Variants in SUCLG2 observed in about 807,000 individuals in gnomAD.
SUCLG2 encodes succinate--CoA ligase [GDP-forming] subunit beta, mitochondrial.
A neutral mutation model predicts 47.9 loss-of-function variants in SUCLG2; 42 were observed. The ratio of observed to expected loss-of-function variants is 0.88; its 90% CI spans 0.69 to 1.14. The LOEUF (loss-of-function observed/expected upper bound fraction) is 1.14. Ranked by LOEUF, SUCLG2 falls within the 50% of genes most tolerant of loss-of-function variation. The pLI, the probability that SUCLG2 is intolerant of heterozygous loss-of-function variation, is 0.00. For missense variants in SUCLG2, 571 were observed against 525.9 expected, an observed-to-expected ratio of 1.09 and a Z score of -0.84; for synonymous variants, 195 against 197.3, an observed-to-expected ratio of 0.99 and a Z score of 0.10.
intron 2 of SUCLG2, among the ~76,000 whole-genome samples, chr3:67,576,698 CTG>C (rs1707751931): frequency 1.3e-5 from 2 of 152,298 alleles, no homozygotes; most frequent in African/African-American, 4.8e-5. Flanking sequence ...TTTTTCCCAA[CTG>C]TTGATTTTTG....
chr3:67,599,914 G>C (rs2107295117), intron 2 of SUCLG2, among the ~76,000 whole-genome samples: 1 of 152,230 alleles, frequency 6.6e-6, no homozygotes, highest in African/African-American at 2.4e-5. Flanking sequence ...TTCATTTCCT[G>C]ACTTTTTTGT....
At chr3:67,524,667 A>G (rs933552861) in intron 4 of SUCLG2, among the ~76,000 whole-genome samples, 3 of 152,186 alleles carry the variant, frequency 2.0e-5, no homozygotes, top group East Asian at 1.9e-4. Flanking sequence ...TTTTGAGAAG[A>G]TGGAGTAGAC....
At chr3:67,452,971 G>C (rs571717558) in intron 9 of SUCLG2, among the ~76,000 whole-genome samples, 4 of 152,246 alleles carry the variant, frequency 2.6e-5, no homozygotes, top group Admixed American at 1.3e-4. Flanking sequence ...TCTTTTCAAT[G>C]TAATCATAGA....
chr3:67,570,905 C>G (rs1027567911), intron 2 of SUCLG2, among the ~76,000 whole-genome samples: 1 of 152,136 alleles, frequency 6.6e-6, no homozygotes, highest in Non-Finnish European at 1.5e-5. Context: ...TTTTAGCAAA[C>G]TGTTGAAACT....
chr3:67,607,008 T>C (rs1400153340), intron 2 of SUCLG2, among the ~76,000 whole-genome samples: 1 of 152,220 alleles, frequency 6.6e-6, no homozygotes, highest in African/African-American at 2.4e-5. Flanking sequence ...GACTTACTCT[T>C]AAAAGAGCAT....
At chr3:67,563,712 C>T (rs567796391) in intron 2 of SUCLG2, among the ~76,000 whole-genome samples, 104 of 152,202 alleles carry the variant, frequency 6.8e-4, no homozygotes, top group Middle Eastern at 3.4e-3. Flanking sequence ...GTAATCCCAG[C>T]ACTTTGGGAG....
chr3:67,367,863 A>G (rs553910926), intron 10 of SUCLG2, among the ~76,000 whole-genome samples: 1 of 152,230 alleles, frequency 6.6e-6, no homozygotes, highest in South Asian at 2.1e-4. Flanking sequence ...TATGTATCCA[A>G]GTATCTAGCT....
chr3:67,447,963 A>G (rs944779754), intron 9 of SUCLG2, among the ~76,000 whole-genome samples: 2 of 152,198 alleles, frequency 1.3e-5, no homozygotes, highest in Non-Finnish European at 2.9e-5. Flanking sequence ...TCCTGACCTC[A>G]GGTGATCCGC....
At chr3:67,411,194 G>T (rs928756184) in intron 9 of SUCLG2, among the ~76,000 whole-genome samples, 1 of 151,804 alleles carries the variant, frequency 6.6e-6, no homozygotes, top group African/African-American at 2.4e-5. Flanking sequence ...TCTATGAGTG[G>T]TTTCTTCTCC....
rs117622094 is a variant in SUCLG2 at position 67,479,346 on chromosome 3, G to C, written c.1062+16452C>G. On this transcript the variant is annotated intron_variant, in intron 9 of 10. Transcript: ENST00000307227. The stretch of plus-strand genomic sequence containing the variant: ...AATTCTATTTTTAAAAAAAGCAGTG[G>C]TTTTTTCATTCCTCATACATACCGA... 1.7e-4 allele frequency among the ~76,000 whole-genome samples: 26 copies of C among 151,968 alleles called. 1 individual carries two copies. The East Asian group carries it at 5.0e-3, about 29-fold the overall frequency.
intron 9 of SUCLG2, among the ~76,000 whole-genome samples, chr3:67,478,811 G>A (rs894268555): frequency 1.3e-5 from 2 of 152,162 alleles, no homozygotes; most frequent in African/African-American, 2.4e-5. Context: ...TACCCTCATC[G>A]GGTCAGCGTC....
chr3:67,386,649 G>A (rs578223726), intron 10 of SUCLG2, among the ~76,000 whole-genome samples: 1 of 152,182 alleles, frequency 6.6e-6, no homozygotes, highest in Non-Finnish European at 1.5e-5. Flanking sequence ...ACCAGATCTT[G>A]TGAGGCTTAT....
chr3:67,409,347 T>C (rs1702885289), intron 9 of SUCLG2, among the ~76,000 whole-genome samples: 1 of 152,128 alleles, frequency 6.6e-6, no homozygotes, highest in African/African-American at 2.4e-5. Context: ...TATTATTCTT[T>C]GAAATTATGG....
intron 2 of SUCLG2, among the ~76,000 whole-genome samples, chr3:67,592,942 A>G (rs1708204741): frequency 6.6e-6 from 1 of 152,168 alleles, no homozygotes; most frequent in Non-Finnish European, 1.5e-5. Flanking sequence ...CCCAATGTCC[A>G]TGGCTTCCTT....
chr3:67,623,790 C>T (rs751316087), intron 1 of SUCLG2, among the ~76,000 whole-genome samples: 12 of 152,154 alleles, frequency 7.9e-5, no homozygotes, highest in Non-Finnish European at 1.5e-4. Flanking sequence ...GCACACTAAG[C>T]GGGTAAAGCA....
At chr3:67,531,204 G>A (rs373275384) in intron 2 of SUCLG2, among the ~76,000 whole-genome samples, 2 of 152,250 alleles carry the variant, frequency 1.3e-5, no homozygotes, top group South Asian at 2.1e-4. Flanking sequence ...TGGCACACAG[G>A]AAGACATTTC....
At position 67,568,753 on chromosome 3, in the gene SUCLG2, A is replaced by G. The variant is rs559763820; in HGVS notation, c.227-39567T>C. Reference sequence around the variant, plus strand: ...ATACAAAAAATTAGCCGGGCGTGGTAGCGGGCGCCTGTAGTCCCAGCTACT... The same window carrying G: ...ATACAAAAAATTAGCCGGGCGTGGTGGCGGGCGCCTGTAGTCCCAGCTACT... On this transcript the variant is annotated intron_variant, in intron 2 of 10. Coordinates refer to ENST00000307227, the MANE Select transcript of SUCLG2 (RefSeq NM_003848.4). Among the ~76,000 whole-genome samples, 246 of 152,104 alleles carry G rather than the reference A, an allele frequency of 1.6e-3. 2 individuals are homozygous for G. Among genetic ancestry groups the G allele is most frequent in the African/African-American group, 5.2e-3 (217 of 41,536 alleles).
At chr3:67,546,117 T>C (rs573905793) in intron 2 of SUCLG2, among the ~76,000 whole-genome samples, 46 of 152,316 alleles carry the variant, frequency 3.0e-4, no homozygotes, top group Admixed American at 7.2e-4. Flanking sequence ...TGAGCTAGAA[T>C]TCATACTGGG....
chr3:67,370,137 T>G (rs901690341), downstream of SUCLG2, among the ~76,000 whole-genome samples: 2 of 152,174 alleles, frequency 1.3e-5, no homozygotes, highest in Non-Finnish European at 2.9e-5. Context: ...TGTCAATGGG[T>G]CCATACAAAT....
Sources: gnomAD v4.1 joint callset for allele counts (sites outside exome capture counted in the v4.1 genomes callset) on GRCh38, gnomAD v4.1.1 for gene constraint, MANE v1.5 for transcripts, NCBI Gene and HGNC (gene_info 2026-07-23, HGNC 2026-07-21) for gene names.